TYRO3: variants seen among roughly 807,000 people sequenced by gnomAD.
TYRO3 encodes the protein tyrosine-protein kinase receptor TYRO3.
In TYRO3, 38 loss-of-function variants were observed where a neutral mutation model predicts 95.2. The observed-to-expected ratio is 0.40, with a 90% CI of 0.31 to 0.52. The LOEUF (loss-of-function observed/expected upper bound fraction) is 0.52, where lower values mean the gene tolerates loss of function less well. TYRO3 is among the 20% of genes least tolerant of loss of function. The pLI, the probability that TYRO3 is intolerant of heterozygous loss-of-function variation, is 0.56. For missense variants in TYRO3, 812 were observed against 1,116.4 expected (o/e 0.73, Z 3.89); for synonymous variants, 367 against 432.9 (o/e 0.85, Z 1.89).
intron 18 of TYRO3, among the ~76,000 whole-genome samples, chr15:41,575,615 G>A (rs561687054): frequency 3.3e-4 from 51 of 152,336 alleles, no homozygotes; most frequent in African/African-American, 1.1e-3. Context: ...CCCTGCTGGG[G>A]GTGTGCTGGT....
chr15:41,572,940 C>T, intron 15 of TYRO3, 62 bp from the exon 16 acceptor site: 1 of 1,141,954 alleles, frequency 8.8e-7, no homozygotes, highest in Non-Finnish European at 1.2e-6. Flanking sequence ...CAGGGACCCC[C>T]ATCCATCCTG....
In TYRO3 at chr15:41,578,183, A is replaced by T. The variant is rs767453484; in HGVS notation, c.2580A>T (p.Pro860=). ...ILTPGGLAEQ[P]GQAEHQPESP... ...CCCCCGGAGGGCTGGCTGAGCAGCC[A>T]GGGCAGGCAGAGCACCAGCCAGAGA... The change falls in exon 19 of 19, where the codon CCA becomes CCT. Residue 860 remains proline (P), a synonymous_variant. Coordinates refer to ENST00000263798, the MANE Select transcript of TYRO3 (RefSeq NM_006293.4). The T allele has an allele frequency of 9.9e-6, 16 of 1,613,894 alleles. No individual in the cohort carries two copies. The highest frequency in any genetic ancestry group is 4.2e-6 in the Non-Finnish European group (5 of 1,180,042).
At chr15:41,562,331 CAAAAAAAA>C (rs11363130) in intron 3 of TYRO3, 233 of 174,232 alleles carry the variant, frequency 1.3e-3, no homozygotes, top group South Asian at 9.0e-3. Flanking sequence ...CGACCAATCT[CAAAAAAAA>C]AAAAAAAAAA....
rs73391130 is a variant in TYRO3, at chr15:41,566,393, G to A, written c.784-967G>A. Among the ~76,000 whole-genome samples the A allele has an allele frequency of 2.1e-3, 314 of 151,126 alleles. 1 individual carries two copies. The highest frequency in any genetic ancestry group is 6.8e-3 in the African/African-American group (280 of 41,112). ...CTCCTTTGGCCACACCCCTTTCCCC[G>A]GGGCAAAGAGCCTACAGGGCCAAGA... is the stretch of plus-strand genomic sequence containing the variant. On this transcript the variant is annotated intron_variant, in intron 6 of 18. Transcript: ENST00000263798.
At chr15:41,570,784 G>C in intron 12 of TYRO3, 85 bp downstream of exon 12, 2 of 1,332,402 alleles carry the variant, frequency 1.5e-6, no homozygotes, top group Non-Finnish European at 2.2e-6. Flanking sequence ...GAGGCTGTGG[G>C]TTTGGGTCGG....
intron 2 of TYRO3, 51 bp downstream of exon 2, chr15:41,561,361 G>A: frequency 6.9e-7 from 1 of 1,447,154 alleles, no homozygotes; most frequent in Non-Finnish European, 9.4e-7. Flanking sequence ...GGCAGGCTAT[G>A]CTCTTTCCTT....
In TYRO3 at chr15:41,571,702, G is replaced by A. The variant is rs553506916; in HGVS notation, c.1753+15G>A. 2.7e-6 allele frequency: 3 copies of A among 1,112,290 alleles called. No individual in the cohort carries two copies. Among genetic ancestry groups the A allele is most frequent in the South Asian group, 2.7e-5 (2 of 75,440 alleles). 68.9% of individuals were successfully genotyped at this position (1,112,290 alleles called of 1,614,324 possible). A position where few individuals can be genotyped will look rare whatever the true frequency, so the allele number is the denominator to read the frequency against. On this transcript the variant is annotated intron_variant, in intron 14 of 18. Coordinates refer to ENST00000263798, the MANE Select transcript of TYRO3 (RefSeq NM_006293.4). ...CAAACTTGTTGGTGAGCCCATTTTT[G>A]GGGGAGGCAGATAGAGAATAGGGCT...
chr15:41,579,215 C>T lies in TYRO3; in HGVS notation c.*939C>T, dbSNP rs2055897112. The stretch of plus-strand genomic sequence containing the variant: ...GCCTGATGAGGGGGAATTCCTGGAA[C>T]CTGGACCCCAGCCTTGGTGGGGGAG... On this transcript the variant is annotated 3_prime_UTR_variant, in exon 19 of 19. Transcript: ENST00000263798. 6.6e-6 allele frequency: 1 copy of T among 152,350 alleles called. No homozygotes were observed. Among genetic ancestry groups the T allele is most frequent in the Non-Finnish European group, 1.5e-5 (1 of 68,186 alleles). The allele number at this position is 152,350 out of a possible 1,614,324, so 9.4% of individuals were successfully genotyped here.
intron 6 of TYRO3, 37 bp downstream of exon 6, chr15:41,565,178 G>A (rs915453118): frequency 7.5e-6 from 10 of 1,327,800 alleles, no homozygotes; most frequent in Non-Finnish European, 9.7e-6. Context: ...CGTTCTGGCT[G>A]CATGGCCAGC....
chr15:41,560,845 G>A (rs149546282), intron 1 of TYRO3, among the ~76,000 whole-genome samples: 209 of 151,188 alleles, frequency 1.4e-3, no homozygotes, highest in African/African-American at 4.8e-3. Context: ...AACTCCCATC[G>A]TTTCAGCCCA....
At chr15:41,572,411 T>C in intron 14 of TYRO3, 32 bp from the exon 15 acceptor site, 1 of 1,445,490 alleles carries the variant, frequency 6.9e-7, no homozygotes, top group Non-Finnish European at 9.4e-7. Flanking sequence ...TTGACCCTTC[T>C]ATGCTCAGCT....
Position 41,578,250 on chromosome 15 carries a change from G to A in TYRO3, c.2647G>A (p.Gly883Arg), listed in dbSNP as rs1254128836. The change falls in exon 19 of 19, where the codon GGG (glycine) becomes AGG (arginine). Residue 883 changes from glycine (G) to arginine (R), a missense_variant. Coordinates refer to ENST00000263798, the MANE Select transcript of TYRO3 (RefSeq NM_006293.4). Reference sequence around the variant, plus strand: ...ACAGAGGCTTTTGCTGCTGCAGCAAGGGCTACTGCCACACAGTAGCTGTTA... The same window carrying A: ...ACAGAGGCTTTTGCTGCTGCAGCAAAGGCTACTGCCACACAGTAGCTGTTA... ...ETQRLLLLQQ[G>R]LLPHSSC The A allele has an allele frequency of 1.9e-6, 3 of 1,613,470 alleles. No homozygotes were observed.
At chr15:41,566,344 A>G (rs1480839009) in intron 6 of TYRO3, among the ~76,000 whole-genome samples, 1 of 149,796 alleles carries the variant, frequency 6.7e-6, no homozygotes, top group Admixed American at 6.7e-5. Flanking sequence ...AAAAAAAAAA[A>G]AAAAAGAGGA....
intron 18 of TYRO3, among the ~76,000 whole-genome samples, chr15:41,575,432 G>A (rs1301333973): frequency 6.6e-6 from 1 of 152,250 alleles, no homozygotes; most frequent in East Asian, 1.9e-4. Flanking sequence ...TGCTGTCAAT[G>A]GAGAGTGGGC....
intron 10 of TYRO3, 22 bp downstream of exon 10, chr15:41,570,178 G>A: frequency 1.0e-6 from 1 of 994,424 alleles, no homozygotes; most frequent in Non-Finnish European, 1.5e-6. Flanking sequence ...GGGATGTGGA[G>A]GGAGAGGCAG....
At chr15:41,569,059 G>A in intron 9 of TYRO3, 37 bp downstream of exon 9, 2 of 1,610,030 alleles carry the variant, frequency 1.2e-6, no homozygotes, top group African/African-American at 1.3e-5. Context: ...GAGGCTCAGG[G>A]GATCAAGGTT....
chr15:41,577,019 G>T (rs976081284), intron 18 of TYRO3, among the ~76,000 whole-genome samples: 5 of 152,048 alleles, frequency 3.3e-5, no homozygotes, highest in African/African-American at 1.2e-4. Context: ...AGGGACTTCG[G>T]AGTCAACCCC....
intron 7 of TYRO3, 137 bp from the exon 8 acceptor site, chr15:41,568,080 G>A (rs2055746734): frequency 8.5e-7 from 1 of 1,183,150 alleles, no homozygotes; most frequent in Admixed American, 2.1e-5. Context: ...AGAGCAGTCA[G>A]AGCTGGGAGG....
chr15:41,568,378 C>G lies in TYRO3; in HGVS notation c.1107+16C>G. 6.5e-7 allele frequency: 1 copy of G among 1,532,830 alleles called. No homozygotes were observed. The highest frequency in any genetic ancestry group is 8.9e-7 in the Non-Finnish European group (1 of 1,119,338). 95.0% of individuals were successfully genotyped at this position (1,532,830 alleles called of 1,614,324 possible). A position where few individuals can be genotyped will look rare whatever the true frequency, so the allele number is the denominator to read the frequency against. ...TGGAACCCAGGTAAGACAGAACCCT[C>G]CCCTCTCTCCACTCTCCTGGAGTAT... On this transcript the variant is annotated intron_variant, in intron 8 of 18. Transcript: ENST00000263798.
Sources: gnomAD v4.1 joint callset for allele counts (sites outside exome capture counted in the v4.1 genomes callset) on GRCh38, gnomAD v4.1.1 for gene constraint, MANE v1.5 for transcripts, NCBI Gene and HGNC (gene_info 2026-07-23, HGNC 2026-07-21) for gene names.